Variants in ERCC6 observed in about 807,000 individuals in gnomAD.
ERCC6 encodes the protein DNA excision repair protein ERCC-6.
In ERCC6, 116 loss-of-function variants were observed where a neutral mutation model predicts 158.7. That is an observed-to-expected ratio of 0.73 (90% CI 0.63 to 0.85). ERCC6 has a LOEUF of 0.85. Among genes scored for constraint, ERCC6 ranks in the 40% least tolerant of loss-of-function variants. The pLI is 0.00. For missense variants in ERCC6, 1,698 were observed against 1,799.4 expected, an observed-to-expected ratio of 0.94 and a Z score of 1.02; for synonymous variants, 678 against 659.3, an observed-to-expected ratio of 1.03 and a Z score of -0.43.
Position 49,458,692 on chromosome 10 carries a change from C to A in ERCC6, c.*123G>T. 2 of 929,204 alleles carry A rather than the reference C, an allele frequency of 2.2e-6. No individual in the cohort carries two copies. The highest frequency in any genetic ancestry group is 3.4e-6 in the Non-Finnish European group (2 of 587,726). The allele number at this position is 929,204 out of a possible 1,614,324, so 57.6% of individuals were successfully genotyped here. On this transcript the variant is annotated 3_prime_UTR_variant, in exon 21 of 21. Transcript: ENST00000355832. ...CTTAAAGTTTTAATTCTGAGGTAGA[C>A]ATCATGCAAACAAACATCAAGTGCA...
intron 18 of ERCC6, among the ~76,000 whole-genome samples, chr10:49,462,998 G>C (rs1850610585): frequency 6.6e-6 from 1 of 152,158 alleles, no homozygotes; most frequent in Admixed American, 6.5e-5. Flanking sequence ...CAGCACTGTG[G>C]CTAAAAGAAG....
At chr10:49,450,532 A>G (rs1850408384), downstream of ERCC6, among the ~76,000 whole-genome samples, 2 of 152,222 alleles carry the variant, frequency 1.3e-5, no homozygotes, top group Admixed American at 1.3e-4. Flanking sequence ...CAATTTCTGC[A>G]AAGATGTCAG....
At chr10:49,516,986 T>A (rs769589352) in intron 5 of ERCC6, 25 of 1,614,032 alleles carry the variant, frequency 1.5e-5, no homozygotes, top group Non-Finnish European at 1.8e-5. Flanking sequence ...CTTCTTCATC[T>A]CCTGATTCCT....
chr10:49,446,997 A>C, the ERCC6 span, among the ~76,000 whole-genome samples: 3 of 152,180 alleles, frequency 2.0e-5, no homozygotes, highest in Non-Finnish European at 4.4e-5. Flanking sequence ...GATAAAAATA[A>C]ATCCACATAT....
intron 5 of ERCC6, among the ~76,000 whole-genome samples, chr10:49,507,159 G>C (rs1851458240): frequency 6.6e-6 from 1 of 152,188 alleles, no homozygotes; most frequent in Admixed American, 6.5e-5. Context: ...ATGCTAGTAT[G>C]TAGGTAGCTA....
the ERCC6 span, among the ~76,000 whole-genome samples, chr10:49,445,231 C>T: frequency 6.6e-6 from 1 of 152,172 alleles, no homozygotes; most frequent in Non-Finnish European, 1.5e-5. Flanking sequence ...ATTTAGAGCA[C>T]ATATGCTTCA....
chr10:49,517,032 T>C (rs372120121), intron 5 of ERCC6: 16 of 1,613,836 alleles, frequency 9.9e-6, no homozygotes, highest in Non-Finnish European at 1.4e-5. Flanking sequence ...TTCAGGTGGT[T>C]GTATCACTAT....
At chr10:49,515,791 T>A in intron 5 of ERCC6, 1 of 1,614,206 alleles carries the variant, frequency 6.2e-7, no homozygotes, top group Non-Finnish European at 8.5e-7. Context: ...ATCTTCTTTT[T>A]CAGTTTCTGG....
chr10:49,521,419 T>C (rs1837157985), intron 5 of ERCC6, among the ~76,000 whole-genome samples: 1 of 152,178 alleles, frequency 6.6e-6, no homozygotes, highest in Admixed American at 6.5e-5. Flanking sequence ...TAATCTTTAT[T>C]TGGCACCCGG....
chr10:49,525,644 A>G (rs1037038176), intron 4 of ERCC6, among the ~76,000 whole-genome samples: 2 of 152,226 alleles, frequency 1.3e-5, no homozygotes, highest in Admixed American at 1.3e-4. Flanking sequence ...GGCCAATGAT[A>G]CCCAGTTTTT....
At chr10:49,515,283 T>C in intron 5 of ERCC6, 1 of 1,559,714 alleles carries the variant, frequency 6.4e-7, no homozygotes, top group South Asian at 1.2e-5. Context: ...TGCTACACTG[T>C]ACATAATGTA....
In ERCC6 at chr10:49,476,128, C is replaced by T. The variant is rs956291130; in HGVS notation, c.2382+87G>A. ...AGTGAGATGACAGTACGTGAAAAGC[C>T]TGGCACAATGTAGATCCTAGTTTCT... On this transcript the variant is annotated intron_variant, in intron 12 of 20. Coordinates refer to ENST00000355832, the MANE Select transcript of ERCC6 (RefSeq NM_000124.4). The T allele has an allele frequency of 4.2e-6, 4 of 946,928 alleles. No individual in the cohort carries two copies. The African/African-American group carries it at 4.8e-5, about 11-fold the overall frequency. 58.7% of individuals were successfully genotyped at this position (946,928 alleles called of 1,614,324 possible). A position where few individuals can be genotyped will look rare whatever the true frequency, so the allele number is the denominator to read the frequency against.
At chr10:49,496,575 A>AGT (rs1353081020) in intron 7 of ERCC6, among the ~76,000 whole-genome samples, 2 of 152,270 alleles carry the variant, frequency 1.3e-5, no homozygotes, top group South Asian at 2.1e-4. Flanking sequence ...TGGGAGGCCG[A>AGT]GGCGGGTGGA....
rs1029082038 is a variant in ERCC6, at chr10:49,511,466, G to C, written c.1398-5454C>G. 2.0e-5 allele frequency among the ~76,000 whole-genome samples: 3 copies of C among 146,628 alleles called. No homozygotes were observed. In the Admixed American group the frequency reaches 2.1e-4, roughly 10 times the overall value. On this transcript the variant is annotated intron_variant, in intron 5 of 20. Coordinates refer to ENST00000355832, the MANE Select transcript of ERCC6 (RefSeq NM_000124.4). ...TTGAGACAAAGTCTCACTCTGTCAC[G>C]TCAGCTGGAGTACAGTGGCACGATC...
At chr10:49,486,118 T>C (rs924466541) in intron 8 of ERCC6, among the ~76,000 whole-genome samples, 3 of 152,180 alleles carry the variant, frequency 2.0e-5, no homozygotes, top group African/African-American at 7.2e-5. Flanking sequence ...CATGAACCTT[T>C]ACCTACCAAA....
chr10:49,499,400 C>CT (rs1310099280), intron 7 of ERCC6, among the ~76,000 whole-genome samples: 4 of 152,188 alleles, frequency 2.6e-5, no homozygotes. Flanking sequence ...ATGATCTTGA[C>CT]TCAGTTTATG....
chr10:49,523,918 T>C, intron 5 of ERCC6, 115 bp downstream of exon 5: 4 of 1,471,154 alleles, frequency 2.7e-6, no homozygotes, highest in South Asian at 1.2e-5. Context: ...CCAACCTCTG[T>C]ATAATCGGGG....
intron 20 of ERCC6, 150 bp from the exon 21 acceptor site, chr10:49,459,384 G>C: frequency 1.3e-6 from 1 of 779,278 alleles, no homozygotes; most frequent in Non-Finnish European, 2.1e-6. Flanking sequence ...CTAATGAAAA[G>C]GGAAAGGAGG....
At chr10:49,503,925 C>G (rs1851396971) in intron 6 of ERCC6, 2 of 152,074 alleles carry the variant, frequency 1.3e-5, no homozygotes, top group African/African-American at 4.8e-5. Flanking sequence ...ACTAGTGTGG[C>G]TGAAAATAAG....
Sources: gnomAD v4.1 joint callset for allele counts (sites outside exome capture counted in the v4.1 genomes callset) on GRCh38, gnomAD v4.1.1 for gene constraint, MANE v1.5 for transcripts, NCBI Gene and HGNC (gene_info 2026-07-23, HGNC 2026-07-21) for gene names.